Variants in CACNA1E observed in about 807,000 individuals in gnomAD.
CACNA1E encodes the protein calcium voltage-gated channel subunit alpha1 E.
In CACNA1E, 40 loss-of-function variants were observed where a neutral mutation model predicts 259.2. The ratio of observed to expected loss-of-function variants is 0.15; its 90% confidence interval spans 0.12 to 0.20. CACNA1E has a LOEUF of 0.20. CACNA1E is among the 10% of genes least tolerant of loss of function. The pLI, the probability that CACNA1E is intolerant of heterozygous loss-of-function variation, is 1.00. For missense variants in CACNA1E, 1,874 were observed against 3,040.1 expected (o/e 0.62, Z 9.02); for synonymous variants, 1,104 against 1,138.5 (o/e 0.97, Z 0.61).
chr1:181,794,733 C>T (rs1661637384), intron 45 of CACNA1E, 131 bp from the exon 46 acceptor site: 2 of 699,770 alleles, frequency 2.9e-6, no homozygotes, highest in Non-Finnish European at 2.4e-6. Context: ...AAGAGAGATT[C>T]AAGGGAAGTT....
intron 26 of CACNA1E, 69 bp downstream of exon 26, chr1:181,750,556 T>C (rs955984775): frequency 2.1e-6 from 3 of 1,460,502 alleles, no homozygotes; most frequent in African/African-American, 2.8e-5. Context: ...GAAAGTATGG[T>C]TGGGAGGGGA....
At chr1:181,796,963 C>A in intron 47 of CACNA1E, 105 bp downstream of exon 47, 1 of 759,010 alleles carries the variant, frequency 1.3e-6, no homozygotes, top group Non-Finnish European at 2.1e-6. Flanking sequence ...CAAGTACCCA[C>A]AAAGACTGGA....
In CACNA1E at chr1:181,766,647, C is replaced by A. The variant is rs754795151; in HGVS notation, c.4881+36C>A. ...AAATCAAGGGCCCGGTGGGGGACAG[C>A]TGTTACCCAGATAATCTCTGGCTTA... On this transcript the variant is annotated intron_variant, in intron 35 of 47. Transcript: ENST00000367573. The A allele has an allele frequency of 7.6e-5, 113 of 1,487,578 alleles. 1 individual carries two copies. In the Middle Eastern group the frequency reaches 8.5e-4, roughly 11 times the overall value. The allele number at this position is 1,487,578 out of a possible 1,614,324, so 92.1% of individuals were successfully genotyped here.
intron 7 of CACNA1E, among the ~76,000 whole-genome samples, chr1:181,687,211 G>GAA (rs1650671090): frequency 6.6e-6 from 1 of 152,128 alleles, no homozygotes; most frequent in Non-Finnish European, 1.5e-5. Context: ...TGAGCAAGGG[G>GAA]AATAACAGCA....
At chr1:181,476,656 T>C (rs1662872347) in intron 2 of CACNA1E, among the ~76,000 whole-genome samples, 1 of 152,194 alleles carries the variant, frequency 6.6e-6, no homozygotes, top group Admixed American at 6.5e-5. Flanking sequence ...GCTCACTGCA[T>C]GTCTGCTAAA....
exon 1 of CACNA1E, chr1:181,318,040 C>T (rs1650029100): frequency 6.6e-6 from 1 of 151,930 alleles, no homozygotes; most frequent in Non-Finnish European, 1.5e-5. Flanking sequence ...CCCCTTTCCC[C>T]TTTTAAAATA....
chr1:181,648,338 A>G (rs145175173), intron 6 of CACNA1E, among the ~76,000 whole-genome samples: 291 of 152,322 alleles, frequency 1.9e-3, no homozygotes, highest in African/African-American at 6.4e-3. Flanking sequence ...CATACTCACA[A>G]AATGCTGAAT....
In CACNA1E at chr1:181,798,711, G is replaced by T; in HGVS notation, c.6819G>T (p.Arg2273=). 6.2e-7 allele frequency: 1 copy of T among 1,608,548 alleles called. No homozygotes were observed. Among genetic ancestry groups the T allele is most frequent in the Non-Finnish European group, 8.5e-7 (1 of 1,176,688 alleles). Reference sequence around the variant, plus strand: ...CCATCGGCTCAGCCCCACCCCTGCGGCATAGCTGGCAGATGCCCAACGGGC... The same window carrying T: ...CCATCGGCTCAGCCCCACCCCTGCGTCATAGCTGGCAGATGCCCAACGGGC... ...SNTIGSAPPL[R]HSWQMPNGHY... is the part of the protein sequence containing the mutation. The change falls in exon 48 of 48, where the codon CGG becomes CGT. Residue 2273 remains arginine, a synonymous_variant. Coordinates refer to ENST00000367573, the MANE Select transcript of CACNA1E (RefSeq NM_001205293.3). The surrounding 1 kb of genome is among the most constrained non-coding windows in gnomAD (Gnocchi z 4.2).
intron 1 of CACNA1E, among the ~76,000 whole-genome samples, chr1:181,347,106 C>A (rs886697976): frequency 1.3e-5 from 2 of 152,186 alleles, no homozygotes; most frequent in East Asian, 1.9e-4. Context: ...TCACTCACCA[C>A]GCTTCCTGCA....
At chr1:181,639,845 A>G (rs192174680) in intron 6 of CACNA1E, among the ~76,000 whole-genome samples, 59 of 152,326 alleles carry the variant, frequency 3.9e-4, no homozygotes, top group African/African-American at 1.2e-3. Flanking sequence ...GAGAGTGAAT[A>G]AGAGAGTACA....
At chr1:181,394,912 C>G (rs78463539) in intron 1 of CACNA1E, among the ~76,000 whole-genome samples, 3,494 of 152,152 alleles carry the variant, frequency 0.023, 58 homozygotes, top group Middle Eastern at 0.041. Flanking sequence ...TAACAGGAAG[C>G]CAGATGGTGC....
intron 2 of CACNA1E, among the ~76,000 whole-genome samples, chr1:181,445,046 A>T (rs1055446133): frequency 1.3e-5 from 2 of 152,216 alleles, no homozygotes; most frequent in African/African-American, 4.8e-5. Flanking sequence ...ACAAAACACA[A>T]CAAAATGGAG....
chr1:181,391,933 CTCTCTCTCTCTCTGTGTGTGTG>C (rs1557965717), intron 1 of CACNA1E, among the ~76,000 whole-genome samples: 2 of 79,962 alleles, frequency 2.5e-5, no homozygotes, highest in Admixed American at 1.4e-4. Context: ...CTGTCTCTCT[CTCTCTCTCTCTCTGTGTGTGTG>C]TGTGTGTGTG....
intron 3 of CACNA1E, among the ~76,000 whole-genome samples, chr1:181,544,048 CA>C (rs1668795194): frequency 6.6e-6 from 1 of 152,118 alleles, no homozygotes; most frequent in Non-Finnish European, 1.5e-5. Context: ...TCACAATAGA[CA>C]AAAAGTATCC....
rs535712820 is a variant in CACNA1E at position 181,793,924 on chromosome 1, C to T, written c.6027+131C>T. ...CCTTCCCTATAAATAAAACCTGGCTCATGGGTCGTCTCTAATAGAGCCTGC... is the reference window on the plus strand; with the variant it reads ...CCTTCCCTATAAATAAAACCTGGCTTATGGGTCGTCTCTAATAGAGCCTGC... On this transcript the variant is annotated intron_variant, in intron 45 of 47. Transcript: ENST00000367573. 115 of 981,546 alleles carry T rather than the reference C, an allele frequency of 1.2e-4. No homozygotes were observed. The African/African-American group carries it at 1.3e-3, about 11-fold the overall frequency. The allele number at this position is 981,546 out of a possible 1,614,324, so 60.8% of individuals were successfully genotyped here.
At chr1:181,477,417 T>C (rs2102436737) in intron 2 of CACNA1E, among the ~76,000 whole-genome samples, 1 of 152,326 alleles carries the variant, frequency 6.6e-6, no homozygotes, top group South Asian at 2.1e-4. Context: ...TGACTGTGTC[T>C]AATTTATCTC....
At chr1:181,763,150 T>G (rs962357457) in intron 33 of CACNA1E, among the ~76,000 whole-genome samples, 1 of 152,112 alleles carries the variant, frequency 6.6e-6, no homozygotes, top group African/African-American at 2.4e-5. Context: ...AGTAGAAGAC[T>G]AGGGAGGCTG....
chr1:181,715,992 C>A, intron 9 of CACNA1E, 48 bp from the exon 10 acceptor site: 1 of 1,349,196 alleles, frequency 7.4e-7, no homozygotes, highest in Non-Finnish European at 1.0e-6. Context: ...CCAGAATGGT[C>A]TGGGTGTACT....
intron 2 of CACNA1E, among the ~76,000 whole-genome samples, chr1:181,435,751 G>A (rs1660044308): frequency 6.6e-6 from 1 of 152,182 alleles, no homozygotes; most frequent in African/African-American, 2.4e-5. Context: ...AGTCAAAGGA[G>A]TTCCTTTCCT....
Sources: gnomAD v4.1 joint callset for allele counts (sites outside exome capture counted in the v4.1 genomes callset) on GRCh38, gnomAD v4.1.1 for gene constraint, Gnocchi (gnomAD v3.1) non-coding constraint, MANE v1.5 for transcripts, NCBI Gene and HGNC (gene_info 2026-07-23, HGNC 2026-07-21) for gene names.